Variants in FGGY observed in about 807,000 individuals in gnomAD.
FGGY encodes the protein FGGY carbohydrate kinase domain containing, also known as FGGY carbohydrate kinase domain-containing protein.
FGGY carries 72 observed loss-of-function variants against 71.3 expected under a neutral mutation model. The ratio of observed to expected loss-of-function variants is 1.01; its 90% confidence interval spans 0.84 to 1.23. The LOEUF (loss-of-function observed/expected upper bound fraction) is 1.23. FGGY is among the 50% of genes most tolerant of loss of function. The pLI, the probability that FGGY is intolerant of heterozygous loss-of-function variation, is 0.00. For synonymous variants in FGGY, 251 were observed against 250.3 expected (o/e 1.00, Z -0.02); for missense variants, 668 against 682.3 (o/e 0.98, Z 0.23).
At position 59,517,254 on chromosome 1, in the gene FGGY, C is replaced by CTTT. The variant is rs57951011; in HGVS notation, c.799+4842_799+4844dup. The stretch of plus-strand genomic sequence containing the variant: ...TCAGGCCCTTCTCTTCTCAGTTGCT[C>CTTT]TTTTTTTTTTTTTTTTTTTTTTTTT... On this transcript the variant is annotated intron_variant, in intron 7 of 15. Transcript: ENST00000303721. 5.2e-4 allele frequency among the ~76,000 whole-genome samples: 46 copies of CTTT among 87,658 alleles called. 5 individuals carry two copies. The highest frequency in any genetic ancestry group is 7.6e-4 in the South Asian group (2 of 2,624). 57.5% of individuals were successfully genotyped at this position (87,658 alleles called of 152,430 possible). A position where few individuals can be genotyped will look rare whatever the true frequency, so the allele number is the denominator to read the frequency against.
At chr1:59,531,025 A>T (rs967097619) in intron 7 of FGGY, among the ~76,000 whole-genome samples, 26 of 152,190 alleles carry the variant, frequency 1.7e-4, no homozygotes, top group Admixed American at 1.7e-3. Context: ...AAATAGGCTG[A>T]TGAACAGTGA....
At chr1:59,674,778 C>T (rs1373754860) in intron 14 of FGGY, among the ~76,000 whole-genome samples, 2 of 152,078 alleles carry the variant, frequency 1.3e-5, no homozygotes, top group African/African-American at 4.8e-5. Context: ...CACCAAATTG[C>T]GAAAGACCTT....
intron 1 of FGGY, among the ~76,000 whole-genome samples, chr1:59,317,124 G>C (rs2045591924): frequency 6.6e-6 from 1 of 152,196 alleles, no homozygotes; most frequent in South Asian, 2.1e-4. Context: ...TCACAGGGTT[G>C]CTATAAGGAT....
At chr1:59,761,699 G>A (rs916658991) in intron 15 of FGGY, among the ~76,000 whole-genome samples, 1 of 152,220 alleles carries the variant, frequency 6.6e-6, no homozygotes, top group Non-Finnish European at 1.5e-5. Context: ...AGGACAGGGA[G>A]AGCAACGGCC....
intron 5 of FGGY, among the ~76,000 whole-genome samples, chr1:59,382,863 T>A (rs1487971759): frequency 1.3e-5 from 2 of 152,182 alleles, no homozygotes; most frequent in Admixed American, 6.5e-5. Flanking sequence ...CCTCCCTGAT[T>A]CTTTCTGATG....
chr1:59,596,452 T>A (rs2096525694), intron 8 of FGGY, among the ~76,000 whole-genome samples: 1 of 151,428 alleles, frequency 6.6e-6, no homozygotes, highest in Non-Finnish European at 1.5e-5. Flanking sequence ...TCAATCTTTT[T>A]TTTTTCTCCA....
At chr1:59,674,160 T>G in intron 14 of FGGY, 27 bp downstream of exon 14, 1 of 1,573,836 alleles carries the variant, frequency 6.4e-7, no homozygotes, top group African/African-American at 1.3e-5. Flanking sequence ...GGGTGGGCTG[T>G]GGCTCCTCCC....
chr1:59,406,274 C>T (rs902321776), intron 5 of FGGY, among the ~76,000 whole-genome samples: 4 of 151,716 alleles, frequency 2.6e-5, no homozygotes, highest in East Asian at 1.9e-4. Context: ...TGTTCCTAGC[C>T]GATGGCAAAT....
At chr1:59,425,777 G>C (rs987964911) in intron 5 of FGGY, among the ~76,000 whole-genome samples, 27 of 152,020 alleles carry the variant, frequency 1.8e-4, no homozygotes, top group Non-Finnish European at 2.9e-5. Flanking sequence ...TATGTTCTTT[G>C]AATTTACTGT....
chr1:59,550,554 G>T (rs1165905919), intron 7 of FGGY, among the ~76,000 whole-genome samples: 1 of 152,148 alleles, frequency 6.6e-6, no homozygotes, highest in Non-Finnish European at 1.5e-5. Flanking sequence ...AGATACCTCA[G>T]CTTGTATTTT....
chr1:59,442,894 G>A (rs2070298132), intron 5 of FGGY, among the ~76,000 whole-genome samples: 1 of 152,174 alleles, frequency 6.6e-6, no homozygotes, highest in Non-Finnish European at 1.5e-5. Context: ...AACCAAAATT[G>A]ATAGAAAAAG....
intron 5 of FGGY, among the ~76,000 whole-genome samples, chr1:59,394,439 C>A (rs1036504733): frequency 6.6e-6 from 1 of 152,070 alleles, no homozygotes; most frequent in Non-Finnish European, 1.5e-5. Context: ...AAATGCCCAC[C>A]CTGGGACTTA....
At chr1:59,518,366 CATTT>C (rs1488614654) in intron 7 of FGGY, among the ~76,000 whole-genome samples, 6 of 152,122 alleles carry the variant, frequency 3.9e-5, no homozygotes, top group African/African-American at 1.4e-4. Context: ...TTGGGGGGAA[CATTT>C]ATTTATAAGT....
chr1:59,590,549 G>T (rs1361738739), intron 8 of FGGY, among the ~76,000 whole-genome samples: 1 of 152,022 alleles, frequency 6.6e-6, no homozygotes, highest in African/African-American at 2.4e-5. Context: ...ATAAAATACT[G>T]GCAAACCGAA....
At chr1:59,414,654 C>CT (rs202095273) in intron 5 of FGGY, among the ~76,000 whole-genome samples, 3,263 of 151,834 alleles carry the variant, frequency 0.021, 97 homozygotes, top group African/African-American at 0.075. Flanking sequence ...GTGCAAGATG[C>CT]TTGGCTATCT....
intron 6 of FGGY, among the ~76,000 whole-genome samples, chr1:59,461,983 C>G (rs990185356): frequency 6.6e-6 from 1 of 151,708 alleles, no homozygotes; most frequent in Non-Finnish European, 1.5e-5. Flanking sequence ...CTCCTCCCCC[C>G]ACCCCACAAC....
chr1:59,585,900 G>C (rs954031618), intron 8 of FGGY, among the ~76,000 whole-genome samples: 4 of 152,116 alleles, frequency 2.6e-5, no homozygotes, highest in African/African-American at 7.2e-5. Flanking sequence ...GCAGCCAAAA[G>C]GCACATGAAA....
intron 14 of FGGY, among the ~76,000 whole-genome samples, chr1:59,697,951 C>A (rs1223737964): frequency 1.3e-5 from 2 of 152,194 alleles, no homozygotes; most frequent in Admixed American, 1.3e-4. Context: ...CGTGATTGAA[C>A]TCTCTGAGCC....
At chr1:59,543,375 C>A (rs1199399935) in intron 7 of FGGY, among the ~76,000 whole-genome samples, 1 of 150,586 alleles carries the variant, frequency 6.6e-6, no homozygotes, top group Non-Finnish European at 1.5e-5. Flanking sequence ...ATAGAATCAA[C>A]ATCCAGGTTC....
Sources: gnomAD v4.1 joint callset for allele counts (sites outside exome capture counted in the v4.1 genomes callset) on GRCh38, gnomAD v4.1.1 for gene constraint, MANE v1.5 for transcripts, NCBI Gene and HGNC (gene_info 2026-07-23, HGNC 2026-07-21) for gene names.